Variants in CFAP251 observed in about 807,000 individuals in gnomAD.
The protein encoded by CFAP251 is cilia- and flagella-associated protein 251.
A neutral mutation model predicts 126.7 loss-of-function variants in CFAP251; 93 were observed. The observed-to-expected ratio is 0.73, with a 90% CI of 0.62 to 0.87. CFAP251 has a LOEUF of 0.87. CFAP251 is among the 40% of genes least tolerant of loss of function. CFAP251 has a pLI of 0.00. For missense variants in CFAP251, 1,287 were observed against 1,389.2 expected, an observed-to-expected ratio of 0.93 and a Z score of 1.17; for synonymous variants, 503 against 506.9, an observed-to-expected ratio of 0.99 and a Z score of 0.10.
At chr12:121,919,123 T>C (rs1387947553) in intron 1 of CFAP251, among the ~76,000 whole-genome samples, 1 of 31,750 alleles carries the variant, frequency 3.1e-5, no homozygotes, top group Non-Finnish European at 6.2e-5. Context: ...ATTCATTATT[T>C]ATTTATTATT....
chr12:121,932,860 C>G (rs1453248058), intron 4 of CFAP251: 1 of 152,336 alleles, frequency 6.6e-6, no homozygotes, highest in Non-Finnish European at 1.5e-5. Flanking sequence ...GCACTGAACA[C>G]AGTGGTGATG....
Position 121,960,647 on chromosome 12 carries a change from G to A in CFAP251, c.2196G>A (p.Glu732=), listed in dbSNP as rs769878635. The change falls in exon 14 of 22, where the codon GAG becomes GAA. Residue 732 remains glutamate (E), a synonymous_variant. Transcript: ENST00000288912. ...TCAGAAATGGACAGAGGGTCTGGGA[G>A]TACTTAGCAAGACTTCGCTCTCATC... is the stretch of plus-strand genomic sequence containing the variant. ...LVVRNGQRVW[E]YLARLRSHRK... 4.3e-5 allele frequency: 69 copies of A among 1,614,084 alleles called. No homozygotes were observed. In the East Asian group the frequency reaches 1.4e-3, roughly 34 times the overall value.
chr12:121,953,293 A>C (rs913153714), intron 9 of CFAP251: 5 of 152,230 alleles, frequency 3.3e-5, no homozygotes, highest in African/African-American at 1.2e-4. Context: ...CATGAAAAGG[A>C]CACTTGTTTA....
chr12:121,962,471 T>C (rs1245091185), intron 15 of CFAP251, among the ~76,000 whole-genome samples: 1 of 152,168 alleles, frequency 6.6e-6, no homozygotes, highest in Non-Finnish European at 1.5e-5. Context: ...TACTAACAAT[T>C]GTTTGATTTT....
rs1411199942 is a variant in CFAP251, at chr12:121,960,681, A to G, written c.2230A>G (p.Ile744Val). Residue 744 changes from isoleucine to valine, a missense_variant, in exon 14 of 22, where the codon ATT (isoleucine) becomes GTT (valine). Coordinates refer to ENST00000288912, the MANE Select transcript of CFAP251 (RefSeq NM_144668.6). ...LARLRSHRKSIRSLLFGVYLD... is the reference protein window; with the variant it reads ...LARLRSHRKSVRSLLFGVYLD... ...AAGACTTCGCTCTCATCGCAAAAGC[A>G]TTCGAAGTCTCCTGTTTGGGGTTTA... 6.2e-7 allele frequency: 1 copy of G among 1,614,128 alleles called. No homozygotes were observed. The highest frequency in any genetic ancestry group is 1.7e-5 in the Admixed American group (1 of 60,024).
intron 2 of CFAP251, among the ~76,000 whole-genome samples, chr12:121,922,662 G>A (rs534728152): frequency 9.4e-4 from 124 of 132,242 alleles, no homozygotes; most frequent in African/African-American, 3.7e-3. Flanking sequence ...ACTGTCTGTA[G>A]CTAGTCAGCC....
At position 121,969,005 on chromosome 12, in the gene CFAP251, G is replaced by A. The variant is rs147462935; in HGVS notation, c.2771+836G>A. Reference sequence around the variant, plus strand: ...GGGCAGAGTCAACCATGTGGCAGCCGGTTCCTGTTCCTGACCACTTCTCCA... The same window carrying A: ...GGGCAGAGTCAACCATGTGGCAGCCAGTTCCTGTTCCTGACCACTTCTCCA... On this transcript the variant is annotated intron_variant, in intron 17 of 21. Transcript: ENST00000288912. 109 of 985,246 alleles carry A rather than the reference G, an allele frequency of 1.1e-4. 1 individual carries two copies. The African/African-American group carries it at 1.5e-3, about 13-fold the overall frequency. The allele number at this position is 985,246 out of a possible 1,614,324, so 61.0% of individuals were successfully genotyped here. A position where few individuals can be genotyped will look rare whatever the true frequency, so the allele number is the denominator to read the frequency against.
At position 121,969,608 on chromosome 12, in the gene CFAP251, C is replaced by T. The variant is rs557806350; in HGVS notation, c.2771+1439C>T. On this transcript the variant is annotated intron_variant, in intron 17 of 21. Transcript: ENST00000288912. ...TCAAACAATTCTCCTGCCTCAGCCTCCTGAGTAGCTGGGACCACAGGCATA... is the reference window on the plus strand; with the variant it reads ...TCAAACAATTCTCCTGCCTCAGCCTTCTGAGTAGCTGGGACCACAGGCATA... 3 of 788,392 alleles carry T rather than the reference C, an allele frequency of 3.8e-6. No individual in the cohort carries two copies. In the African/African-American group the frequency reaches 5.6e-5, roughly 15 times the overall value. 48.8% of individuals were successfully genotyped at this position (788,392 alleles called of 1,614,324 possible).
At chr12:121,922,820 C>T (rs1565900391) in intron 2 of CFAP251, among the ~76,000 whole-genome samples, 1 of 152,134 alleles carries the variant, frequency 6.6e-6, no homozygotes, top group South Asian at 2.1e-4. Flanking sequence ...GACGGAGTCT[C>T]GCTCTGTCGC....
In CFAP251 at chr12:121,942,646, G is replaced by T; in HGVS notation, c.1110+1G>T. ...AACCATCTCAGATGCTGAAGTCCAG[G>T]TAAAGGCCCTGGCCCTTTGGGTCAG... On this transcript the variant is annotated splice_donor_variant, in intron 6 of 21. Coordinates refer to ENST00000288912, the MANE Select transcript of CFAP251 (RefSeq NM_144668.6). LOFTEE classifies it high-confidence loss of function. The T allele has an allele frequency of 6.2e-7, 1 of 1,610,680 alleles. No individual in the cohort carries two copies. The highest frequency in any genetic ancestry group is 8.5e-7 in the Non-Finnish European group (1 of 1,179,432).
In CFAP251 at chr12:121,921,462, G is replaced by A. The variant is rs1269813043; in HGVS notation, c.157G>A (p.Glu53Lys). The A allele has an allele frequency of 2.5e-6, 4 of 1,613,776 alleles. No individual in the cohort carries two copies. The highest frequency in any genetic ancestry group is 2.5e-6 in the Non-Finnish European group (3 of 1,179,906). ...AATAGCATGGAGAGAGTCTCAGGAGGAGGAGAGGAAAACGGGCGAGGAGGA... is the reference window on the plus strand; with the variant it reads ...AATAGCATGGAGAGAGTCTCAGGAGAAGGAGAGGAAAACGGGCGAGGAGGA... The part of the protein sequence containing the change: ...DTIAWRESQE[E>K]ERKTGEEEGE... The change falls in exon 2 of 22, where the codon GAG (glutamate) becomes AAG (lysine). Residue 53 changes from glutamate to lysine, a missense_variant. By Grantham distance (56) the Glu-to-Lys change is moderately conservative. Transcript: ENST00000288912.
rs187589002 is a variant in CFAP251, at chr12:121,951,558, A to G, written c.1320+28A>G. 7,012 of 1,552,784 alleles carry G rather than the reference A, an allele frequency of 4.5e-3. 22 individuals carry two copies. The highest frequency in any genetic ancestry group is 5.3e-3 in the Non-Finnish European group (5,948 of 1,130,910). On this transcript the variant is annotated intron_variant, in intron 9 of 21. Transcript: ENST00000288912. The stretch of plus-strand genomic sequence containing the variant: ...GAGTATGCCTATTGCATTTTTGTCC[A>G]TCAGATTTTGTGGAGAATAAATATT...
chr12:121,991,925 G>A (rs944676440), intron 19 of CFAP251, among the ~76,000 whole-genome samples: 2 of 152,112 alleles, frequency 1.3e-5, no homozygotes, highest in Non-Finnish European at 2.9e-5. Context: ...CTCAGGAGGT[G>A]GAGGTTGCTG....
chr12:121,968,541 C>T (rs1882228393), intron 17 of CFAP251, among the ~76,000 whole-genome samples: 1 of 151,978 alleles, frequency 6.6e-6, no homozygotes, highest in South Asian at 2.1e-4. Flanking sequence ...CTCCTCTTCT[C>T]ACCCTCCCTG....
At chr12:121,940,614 T>TG (rs1881072137) in intron 5 of CFAP251, among the ~76,000 whole-genome samples, 1 of 152,212 alleles carries the variant, frequency 6.6e-6, no homozygotes, top group African/African-American at 2.4e-5. Flanking sequence ...TTCATTCCAG[T>TG]GGGAATCAGC....
intron 9 of CFAP251, among the ~76,000 whole-genome samples, chr12:121,951,859 C>T (rs143663440): frequency 0.25 from 37,849 of 151,662 alleles, 5,947 homozygotes; most frequent in East Asian, 0.5. Context: ...GCTGGGACTA[C>T]AGGCGCCTGC....
At chr12:121,978,404 A>C (rs1882534325) in intron 19 of CFAP251, among the ~76,000 whole-genome samples, 1 of 145,140 alleles carries the variant, frequency 6.9e-6, no homozygotes, top group African/African-American at 2.5e-5. Flanking sequence ...AAAAAAAAAA[A>C]AAAAAAAAAA....
Position 121,931,891 on chromosome 12 carries a change from G to A in CFAP251, c.888+5G>A, listed in dbSNP as rs749357017. 2.6e-6 allele frequency: 4 copies of A among 1,536,466 alleles called. No homozygotes were observed. Among genetic ancestry groups the A allele is most frequent in the African/African-American group, 1.4e-5 (1 of 71,410 alleles). On this transcript the variant is annotated splice_donor_5th_base_variant and intron_variant, in intron 4 of 21. Coordinates refer to ENST00000288912, the MANE Select transcript of CFAP251 (RefSeq NM_144668.6). ...AACAATCAATACCACCTTCAGGTAT[G>A]CAGGGATTTCCTTCCTACAGGTGGG...
chr12:121,963,817 C>G (rs1029192924), intron 15 of CFAP251, among the ~76,000 whole-genome samples: 1 of 151,396 alleles, frequency 6.6e-6, no homozygotes, highest in Non-Finnish European at 1.5e-5. Flanking sequence ...GACCCTTGAC[C>G]CTAGCCCTGA....
Sources: allele counts gnomAD v4.1 joint callset (sites outside exome capture counted in the v4.1 genomes callset), GRCh38; gene constraint gnomAD v4.1.1; transcripts MANE v1.5; gene names NCBI Gene and HGNC (gene_info 2026-07-23, HGNC 2026-07-21).